Variants in YWHAE observed in about 807,000 individuals in gnomAD.
YWHAE encodes the protein tyrosine 3-monooxygenase/tryptophan 5-monooxygenase activation protein epsilon.
YWHAE carries 4 observed loss-of-function variants against 30.1 expected under a neutral mutation model. That is an observed-to-expected ratio of 0.13 (90% confidence interval 0.07 to 0.30). YWHAE has a LOEUF of 0.30. YWHAE is among the 10% of genes least tolerant of loss of function. The probability of loss-of-function intolerance (pLI) is 1.00; values close to 1 mark genes in which losing one functional copy is unlikely to be tolerated. For missense variants in YWHAE, 121 were observed against 315.9 expected (o/e 0.38, Z 4.68); for synonymous variants, 118 against 111.8 (o/e 1.06, Z -0.35).
chr17:1,368,209 A>T (rs776771385), intron 1 of YWHAE, among the ~76,000 whole-genome samples: 2 of 151,974 alleles, frequency 1.3e-5, no homozygotes, highest in African/African-American at 2.4e-5. Context: ...CAGCATGGAG[A>T]AACTAAAAAT....
intron 1 of YWHAE, among the ~76,000 whole-genome samples, chr17:1,388,118 G>GTTTTTTTTTT (rs1297503908): frequency 8.4e-4 from 13 of 15,496 alleles, no homozygotes; most frequent in African/African-American, 1.5e-3. Context: ...TTTTTGGTTG[G>GTTTTTTTTTT]TTTTTTTTTT....
intron 4 of YWHAE, among the ~76,000 whole-genome samples, chr17:1,356,617 T>G (rs1461108567): frequency 2.6e-5 from 4 of 152,192 alleles, no homozygotes; most frequent in African/African-American, 7.2e-5. Flanking sequence ...AGCCACAGCT[T>G]CTTCAGTTAC....
At chr17:1,399,666 T>G in intron 1 of YWHAE, 2 of 326,348 alleles carry the variant, frequency 6.1e-6, no homozygotes, top group Non-Finnish European at 1.2e-5. Flanking sequence ...CCCCACCCAA[T>G]TGTTCTCCAC....
In YWHAE at chr17:1,388,111, TTGGTTG is replaced by T. The variant is rs768521516; in HGVS notation, c.64+11930_64+11935del. Among the ~76,000 whole-genome samples the T allele has an allele frequency of 5.5e-4, 25 of 45,062 alleles. 4 individuals carry two copies. Among genetic ancestry groups the T allele is most frequent in the African/African-American group, 3.0e-3 (23 of 7,668 alleles). 29.6% of individuals were successfully genotyped at this position (45,062 alleles called of 152,430 possible). On this transcript the variant is annotated intron_variant, in intron 1 of 5. Coordinates refer to ENST00000264335, the MANE Select transcript of YWHAE (RefSeq NM_006761.5). ...GCCTGGGTAATTTTTGTTTTTTTTT[TTGGTTG>T]GTTTTTTTTTTTTTTTTTTTTTTTT...
chr17:1,357,848 A>C (rs1235392821), intron 4 of YWHAE, among the ~76,000 whole-genome samples: 2 of 151,692 alleles, frequency 1.3e-5, no homozygotes, highest in African/African-American at 2.4e-5. Context: ...AATCGCTTGA[A>C]ACCGGGAGGC....
intron 4 of YWHAE, among the ~76,000 whole-genome samples, chr17:1,358,756 G>C (rs567527429): frequency 6.6e-6 from 1 of 151,228 alleles, no homozygotes; most frequent in Non-Finnish European, 1.5e-5. Flanking sequence ...CTTGAATCTG[G>C]GAGGTGGAGG....
intron 1 of YWHAE, among the ~76,000 whole-genome samples, chr17:1,368,622 G>C (rs1015324493): frequency 2.0e-5 from 3 of 150,998 alleles, no homozygotes; most frequent in African/African-American, 7.3e-5. Context: ...TAATTCATTT[G>C]TAGGAGTCTG....
At chr17:1,351,466 C>A (rs1409955297) in intron 5 of YWHAE, among the ~76,000 whole-genome samples, 2 of 151,890 alleles carry the variant, frequency 1.3e-5, no homozygotes, top group African/African-American at 4.8e-5. Context: ...AAAAACATGT[C>A]CCCAGAGGTG....
At position 1,347,543 on chromosome 17, in the gene YWHAE, C is replaced by T. The variant is rs79992871; in HGVS notation, c.716-2044G>A. ...ACATGAAGATCTTTAATTCATAAGA[C>T]AGAAAAAAAATATGCAAAGGCAAAA... On this transcript the variant is annotated intron_variant, in intron 5 of 5. Coordinates refer to ENST00000264335, the MANE Select transcript of YWHAE (RefSeq NM_006761.5). Among the ~76,000 whole-genome samples the T allele has an allele frequency of 4.3e-3, 645 of 151,598 alleles. 10 individuals are homozygous for T. Among genetic ancestry groups the T allele is most frequent in the East Asian group, 0.019 (98 of 5,166 alleles).
intron 4 of YWHAE, among the ~76,000 whole-genome samples, chr17:1,358,431 G>A (rs1040751284): frequency 6.6e-6 from 1 of 151,938 alleles, no homozygotes; most frequent in African/African-American, 2.4e-5. Context: ...AGTAGAGACG[G>A]GGTTTCACCA....
chr17:1,365,816 A>T (rs2072933235), intron 1 of YWHAE, among the ~76,000 whole-genome samples: 1 of 152,208 alleles, frequency 6.6e-6, no homozygotes, highest in Non-Finnish European at 1.5e-5. Flanking sequence ...ATGAGACTCA[A>T]GAATCTGCAT....
intron 1 of YWHAE, among the ~76,000 whole-genome samples, chr17:1,385,339 A>G (rs1344457977): frequency 2.0e-5 from 3 of 152,154 alleles, no homozygotes; most frequent in Non-Finnish European, 1.5e-5. Context: ...GAAAACACCA[A>G]GGTCCCCTGT....
chr17:1,388,108 TTTTTGGTTGG>T (rs1455334938), intron 1 of YWHAE, among the ~76,000 whole-genome samples: 649 of 46,588 alleles, frequency 0.014, 133 homozygotes, highest in African/African-American at 0.067. Context: ...TTTGTTTTTT[TTTTTGGTTGG>T]TTTTTTTTTT....
At chr17:1,396,523 C>T (rs898201511) in intron 1 of YWHAE, among the ~76,000 whole-genome samples, 3 of 152,190 alleles carry the variant, frequency 2.0e-5, no homozygotes, top group African/African-American at 7.2e-5. Flanking sequence ...TCCATGAAGC[C>T]AATCTTGATA....
intron 1 of YWHAE, among the ~76,000 whole-genome samples, chr17:1,376,102 A>C (rs901582014): frequency 7.2e-5 from 11 of 152,244 alleles, no homozygotes; most frequent in African/African-American, 2.7e-4. Context: ...AAGCCAGTGG[A>C]CTACAACTCA....
chr17:1,365,628 G>T (rs941787047), intron 1 of YWHAE, among the ~76,000 whole-genome samples: 1 of 152,060 alleles, frequency 6.6e-6, no homozygotes, highest in Non-Finnish European at 1.5e-5. Flanking sequence ...GCAAAGAAAG[G>T]GGCCCAGAAA....
In YWHAE at chr17:1,348,027, G is replaced by C. The variant is rs947196819; in HGVS notation, c.716-2528C>G. 3 of 1,004,138 alleles carry C rather than the reference G, an allele frequency of 3.0e-6. No homozygotes were observed. In the Admixed American group the frequency reaches 1.8e-4, roughly 60 times the overall value. 62.2% of individuals were successfully genotyped at this position (1,004,138 alleles called of 1,614,324 possible). On this transcript the variant is annotated intron_variant, in intron 5 of 5. Transcript: ENST00000264335. Reference sequence around the variant, plus strand: ...TAGGAATCTATATTGCAAGGAAAAAGGGAGGGAGAACAATCATATGAAAGC... The same window carrying C: ...TAGGAATCTATATTGCAAGGAAAAACGGAGGGAGAACAATCATATGAAAGC...
intron 1 of YWHAE, among the ~76,000 whole-genome samples, chr17:1,383,268 T>A (rs951631811): frequency 2.0e-5 from 3 of 152,042 alleles, no homozygotes; most frequent in Non-Finnish European, 4.4e-5. Context: ...GAGAATTGCT[T>A]GATCCTGGGA....
chr17:1,346,694 A>C (rs1325065159), intron 5 of YWHAE, among the ~76,000 whole-genome samples: 1 of 152,238 alleles, frequency 6.6e-6, no homozygotes, highest in East Asian at 1.9e-4. Flanking sequence ...CTCTACAAAA[A>C]ATGAACATAA....
Sources: allele counts gnomAD v4.1 joint callset (sites outside exome capture counted in the v4.1 genomes callset), GRCh38; gene constraint gnomAD v4.1.1; transcripts MANE v1.5; gene names NCBI Gene and HGNC (gene_info 2026-07-23, HGNC 2026-07-21).